The following PDZRN4 variants were observed in gnomAD, a reference collection of about 807,000 sequenced individuals.
PDZRN4 encodes PDZ domain-containing RING finger protein 4.
Under a neutral mutation model 99.0 loss-of-function variants are expected in PDZRN4, and 70 were observed. That is an observed-to-expected ratio of 0.71 (90% CI 0.58 to 0.86). The LOEUF is 0.86. Among genes scored for constraint, PDZRN4 ranks in the 40% least tolerant of loss-of-function variants. PDZRN4 has a pLI of 0.00. For missense variants in PDZRN4, 1,474 were observed against 1,331.2 expected (o/e 1.11, Z -1.67); for synonymous variants, 551 against 501.6 (o/e 1.10, Z -1.32).
chr12:41,519,108 T>G (rs1938450481), intron 5 of PDZRN4, among the ~76,000 whole-genome samples: 1 of 151,988 alleles, frequency 6.6e-6, no homozygotes, highest in Admixed American at 6.6e-5. Context: ...AAGCATAAGG[T>G]TGAAAAAAAA....
At chr12:41,362,505 A>T (rs189090723) in intron 3 of PDZRN4, among the ~76,000 whole-genome samples, 17 of 152,028 alleles carry the variant, frequency 1.1e-4, no homozygotes, top group Non-Finnish European at 2.4e-4. Flanking sequence ...CTATATATAT[A>T]TTTTTTCTTT....
intron 3 of PDZRN4, among the ~76,000 whole-genome samples, chr12:41,329,459 G>A (rs1951730009): frequency 6.6e-6 from 1 of 152,016 alleles, no homozygotes; most frequent in African/African-American, 2.4e-5. Context: ...TAAATCCCAT[G>A]GTAGCTTGTG....
At chr12:41,454,450 C>T (rs1189656993) in intron 3 of PDZRN4, among the ~76,000 whole-genome samples, 1 of 151,982 alleles carries the variant, frequency 6.6e-6, no homozygotes, top group African/African-American at 2.4e-5. Context: ...TTACAAAATT[C>T]AAAATGAAAT....
chr12:41,348,030 T>A (rs1951867254), intron 3 of PDZRN4, among the ~76,000 whole-genome samples: 1 of 152,216 alleles, frequency 6.6e-6, no homozygotes, highest in East Asian at 1.9e-4. Context: ...AAGGACCACA[T>A]GAAATGTAAT....
At position 41,339,422 on chromosome 12, in the gene PDZRN4, C is replaced by G. The variant is rs1420674875; in HGVS notation, c.843+145234C>G. On this transcript the variant is annotated intron_variant, in intron 3 of 9. Coordinates refer to ENST00000402685, the MANE Select transcript of PDZRN4 (RefSeq NM_001164595.2). ...TTCTCACAAAATACAAACATCAAAT[C>G]AAAATGAAGTAAAGATTTAAATCTA... Among the ~76,000 whole-genome samples, 3 of 152,096 alleles carry G rather than the reference C, an allele frequency of 2.0e-5. No homozygotes were observed. The East Asian group carries it at 5.8e-4, about 29-fold the overall frequency.
intron 3 of PDZRN4, among the ~76,000 whole-genome samples, chr12:41,270,187 G>A (rs796110537): frequency 3.9e-5 from 6 of 152,026 alleles, no homozygotes; most frequent in African/African-American, 1.4e-4. Flanking sequence ...AATTAAATGC[G>A]CTAATAGATG....
intron 3 of PDZRN4, among the ~76,000 whole-genome samples, chr12:41,430,112 C>T (rs1439600845): frequency 6.6e-6 from 1 of 152,182 alleles, no homozygotes; most frequent in Non-Finnish European, 1.5e-5. Context: ...AGAAATCTTG[C>T]TTCAGATGCC....
chr12:41,207,544 A>G (rs1262738035), intron 3 of PDZRN4, among the ~76,000 whole-genome samples: 1 of 151,848 alleles, frequency 6.6e-6, no homozygotes, highest in Non-Finnish European at 1.5e-5. Context: ...ATAAATAAAT[A>G]TCTAATACAG....
At chr12:41,453,549 C>T (rs568329213) in intron 3 of PDZRN4, among the ~76,000 whole-genome samples, 33 of 152,292 alleles carry the variant, frequency 2.2e-4, no homozygotes, top group South Asian at 1.2e-3. Context: ...CATGTAGCAA[C>T]ATAGTTTCAC....
At chr12:41,565,489 C>T (rs1450500796) in intron 8 of PDZRN4, among the ~76,000 whole-genome samples, 1 of 147,492 alleles carries the variant, frequency 6.8e-6, no homozygotes, top group African/African-American at 2.5e-5. Flanking sequence ...CATATTTTTC[C>T]ATTGAACTCA....
At chr12:41,451,138 A>G (rs2120501272) in intron 3 of PDZRN4, among the ~76,000 whole-genome samples, 1 of 149,646 alleles carries the variant, frequency 6.7e-6, no homozygotes, top group South Asian at 2.1e-4. Context: ...CTTCCATTCA[A>G]TTTAATACTA....
chr12:41,294,913 A>C (rs558444770), intron 3 of PDZRN4, among the ~76,000 whole-genome samples: 2 of 152,296 alleles, frequency 1.3e-5, no homozygotes, highest in East Asian at 3.9e-4. Context: ...GTAAATGAAC[A>C]AAGAAAATTT....
chr12:41,542,792 T>C (rs1358865618), intron 5 of PDZRN4, among the ~76,000 whole-genome samples: 1 of 152,052 alleles, frequency 6.6e-6, no homozygotes. Context: ...CCCAAATAAT[T>C]CTAGGAAGTA....
chr12:41,354,526 A>G (rs551566914), intron 3 of PDZRN4, among the ~76,000 whole-genome samples: 64 of 152,142 alleles, frequency 4.2e-4, no homozygotes, highest in Admixed American at 1.3e-3. Context: ...GGCTACATTT[A>G]TATTATGGGC....
intron 3 of PDZRN4, among the ~76,000 whole-genome samples, chr12:41,283,080 C>T (rs1185124324): frequency 3.6e-5 from 4 of 110,072 alleles, no homozygotes; most frequent in South Asian, 3.6e-4. Context: ...ATCAATGAAT[C>T]CAGGGGCTGT....
chr12:41,350,039 G>A (rs1165984671), intron 3 of PDZRN4, among the ~76,000 whole-genome samples: 1 of 151,990 alleles, frequency 6.6e-6, no homozygotes, highest in Admixed American at 6.6e-5. Flanking sequence ...TGTTGATAAG[G>A]CTTGAACAGA....
intron 3 of PDZRN4, among the ~76,000 whole-genome samples, chr12:41,267,816 G>A (rs375114296): frequency 7.2e-5 from 11 of 152,184 alleles, no homozygotes; most frequent in African/African-American, 2.2e-4. Context: ...ACTCCAGTCT[G>A]GGCAACAGAG....
At position 41,188,887 on chromosome 12, in the gene PDZRN4, C is replaced by A. The variant is rs1950713979; in HGVS notation, c.432C>A (p.Gly144=). ...CACCCAGGGCTGGCCGGGGCGGGGG[C>A]GCGCGCGGGGGGCCGCCGGGCGGCC... The part of the protein sequence containing the change: ...GPTPRAGRGG[G]ARGGPPGGRW... The change falls in exon 1 of 10, where the codon GGC becomes GGA. Residue 144 remains glycine (G), a synonymous_variant. Transcript: ENST00000402685. 1.8e-6 allele frequency: 2 copies of A among 1,102,532 alleles called. No homozygotes were observed. Among genetic ancestry groups the A allele is most frequent in the Non-Finnish European group, 2.2e-6 (2 of 906,476 alleles). The allele number at this position is 1,102,532 out of a possible 1,614,324, so 68.3% of individuals were successfully genotyped here. A position where few individuals can be genotyped will look rare whatever the true frequency, so the allele number is the denominator to read the frequency against.
intron 3 of PDZRN4, among the ~76,000 whole-genome samples, chr12:41,477,542 C>T (rs1415174192): frequency 1.3e-5 from 2 of 152,164 alleles, no homozygotes; most frequent in South Asian, 2.1e-4. Context: ...ACAATTGTGG[C>T]ATAGTTTGAG....
Sources: gnomAD v4.1 joint callset for allele counts (sites outside exome capture counted in the v4.1 genomes callset) on GRCh38, gnomAD v4.1.1 for gene constraint, MANE v1.5 for transcripts, NCBI Gene and HGNC (gene_info 2026-07-23, HGNC 2026-07-21) for gene names.